Variants in GRID2 observed in about 807,000 individuals in gnomAD.
GRID2 encodes the protein glutamate ionotropic receptor delta type subunit 2.
Under a neutral mutation model 114.8 loss-of-function variants are expected in GRID2, and 33 were observed. The ratio of observed to expected loss-of-function variants is 0.29; its 90% CI spans 0.22 to 0.38. The LOEUF (loss-of-function observed/expected upper bound fraction) is 0.38. GRID2 is among the 10% of genes least tolerant of loss of function. The pLI, the probability that GRID2 is intolerant of heterozygous loss-of-function variation, is 1.00. For synonymous variants in GRID2, 505 were observed against 449.9 expected, an observed-to-expected ratio of 1.12 and a Z score of -1.55; for missense variants, 1,184 against 1,257.7, an observed-to-expected ratio of 0.94 and a Z score of 0.89.
chr4:93,523,697 T>A (rs1433923088), intron 13 of GRID2, among the ~76,000 whole-genome samples: 1 of 152,128 alleles, frequency 6.6e-6, no homozygotes, highest in East Asian at 1.9e-4. Context: ...GTGGGGCCCC[T>A]CTTCATCCCT....
intron 2 of GRID2, among the ~76,000 whole-genome samples, chr4:92,975,035 C>T (rs915493838): frequency 7.3e-5 from 11 of 151,440 alleles, no homozygotes; most frequent in Admixed American, 3.3e-4. Flanking sequence ...CAGGTGCCTG[C>T]AGTCCCAGCT....
intron 2 of GRID2, among the ~76,000 whole-genome samples, chr4:93,084,682 A>G (rs1033794449): frequency 1.3e-5 from 2 of 152,230 alleles, no homozygotes; most frequent in Non-Finnish European, 2.9e-5. Context: ...GAGGCAAATA[A>G]CAGACACTGT....
chr4:93,309,602 G>A lies in GRID2; in HGVS notation c.1245+71112G>A, dbSNP rs555379411. Among the ~76,000 whole-genome samples, 6 of 151,946 alleles carry A rather than the reference G, an allele frequency of 3.9e-5. No homozygotes were observed. In the East Asian group the frequency reaches 7.7e-4, roughly 20 times the overall value. On this transcript the variant is annotated intron_variant, in intron 8 of 15. Coordinates refer to ENST00000282020, the MANE Select transcript of GRID2 (RefSeq NM_001510.4). ...AAGAATTAATGAATGAAACTGGAGA[G>A]TCTGCTGCAAAGAGAATCCTGAGGT...
chr4:93,623,304 CT>C (rs377118549), intron 13 of GRID2, among the ~76,000 whole-genome samples: 1,549 of 147,768 alleles, frequency 0.01, 34 homozygotes, highest in African/African-American at 0.036. Flanking sequence ...TATCTCTCCC[CT>C]AGCCCCCTGA....
chr4:93,215,106 G>A (rs1324691193), intron 5 of GRID2, among the ~76,000 whole-genome samples: 1 of 151,898 alleles, frequency 6.6e-6, no homozygotes, highest in Admixed American at 6.6e-5. Context: ...TTAACATATA[G>A]TAGATACTTA....
intron 2 of GRID2, among the ~76,000 whole-genome samples, chr4:92,815,681 G>A (rs538568282): frequency 7.9e-5 from 12 of 151,932 alleles, no homozygotes; most frequent in Non-Finnish European, 1.8e-4. Context: ...GGGAGGCTGA[G>A]GCAGGGGGAT....
chr4:93,390,829 A>T (rs1288158778), intron 8 of GRID2, among the ~76,000 whole-genome samples: 1 of 152,020 alleles, frequency 6.6e-6, no homozygotes, highest in Non-Finnish European at 1.5e-5. Flanking sequence ...CTATATATAG[A>T]TATATGTATA....
intron 2 of GRID2, among the ~76,000 whole-genome samples, chr4:92,603,123 G>A (rs1363051254): frequency 1.3e-5 from 2 of 152,088 alleles, no homozygotes; most frequent in Non-Finnish European, 2.9e-5. Flanking sequence ...TGGCCATACT[G>A]CTCAAAGCAA....
intron 2 of GRID2, among the ~76,000 whole-genome samples, chr4:93,046,522 C>A (rs1287871464): frequency 6.6e-6 from 1 of 151,996 alleles, no homozygotes; most frequent in Non-Finnish European, 1.5e-5. Flanking sequence ...TTTACAGAAA[C>A]AAATTTAATT....
chr4:93,256,249 T>C (rs746383100), intron 8 of GRID2, among the ~76,000 whole-genome samples: 17 of 152,106 alleles, frequency 1.1e-4, no homozygotes, highest in Non-Finnish European at 2.5e-4. Context: ...TTTAACTTAC[T>C]GAGGACTTCA....
intron 4 of GRID2, among the ~76,000 whole-genome samples, chr4:93,118,007 A>T (rs1733439823): frequency 6.6e-6 from 1 of 152,138 alleles, no homozygotes; most frequent in Non-Finnish European, 1.5e-5. Flanking sequence ...AGAATCCTCT[A>T]TGTTCCCATA....
chr4:93,738,901 A>G (rs930767701), intron 14 of GRID2, among the ~76,000 whole-genome samples: 6 of 152,164 alleles, frequency 3.9e-5, no homozygotes, highest in Non-Finnish European at 5.9e-5. Flanking sequence ...CTAACATTCA[A>G]CTGGAGAGAG....
At chr4:92,383,998 CT>C (rs1338136634) in intron 1 of GRID2, among the ~76,000 whole-genome samples, 1 of 151,730 alleles carries the variant, frequency 6.6e-6, no homozygotes, top group Non-Finnish European at 1.5e-5. Context: ...TTGTCAAAAC[CT>C]TTCTTAATGG....
rs986413761 is a variant in GRID2, at chr4:92,659,935, C to T, written c.244+69649C>T. Among the ~76,000 whole-genome samples, 5 of 151,606 alleles carry T rather than the reference C, an allele frequency of 3.3e-5. No individual in the cohort carries two copies. The South Asian group carries it at 8.3e-4, about 25-fold the overall frequency. ...CAATAAAATCTGTTAGATAGATGCA[C>T]ATCCTTTCTTATAAACAATTCTAAC... On this transcript the variant is annotated intron_variant, in intron 2 of 15. Transcript: ENST00000282020.
At chr4:93,504,356 T>G (rs1480360385) in intron 12 of GRID2, among the ~76,000 whole-genome samples, 2 of 152,014 alleles carry the variant, frequency 1.3e-5, no homozygotes, top group Non-Finnish European at 2.9e-5. Flanking sequence ...TTGAATAATT[T>G]TTTTCCATAA....
intron 8 of GRID2, chr4:93,282,350 T>C: frequency 2.3e-6 from 1 of 439,858 alleles, no homozygotes; most frequent in Non-Finnish European, 4.6e-6. Context: ...GAGTAGTTTA[T>C]AAAATACATA....
chr4:92,806,574 CT>C (rs1281854409), intron 2 of GRID2, among the ~76,000 whole-genome samples: 1 of 151,494 alleles, frequency 6.6e-6, no homozygotes, highest in Non-Finnish European at 1.5e-5. Context: ...AATTTATGTT[CT>C]GTGCTAAGTA....
rs9997199 is a variant in GRID2 at position 92,500,460 on chromosome 4, T to G, written c.89-89671T>G. On this transcript the variant is annotated intron_variant, in intron 1 of 15. Coordinates refer to ENST00000282020, the MANE Select transcript of GRID2 (RefSeq NM_001510.4). ...AAAATATCTTCTGTTTAGGTGGACT[T>G]AAGTGAAATTTCTCTGAATTCCCTT... 3.7e-3 allele frequency among the ~76,000 whole-genome samples: 559 copies of G among 152,310 alleles called. 2 individuals carry two copies. Among genetic ancestry groups the G allele is most frequent in the Non-Finnish European group, 6.4e-3 (436 of 68,016 alleles).
intron 10 of GRID2, among the ~76,000 whole-genome samples, chr4:93,455,045 T>C (rs756170359): frequency 8.5e-5 from 13 of 152,154 alleles, no homozygotes; most frequent in Non-Finnish European, 1.6e-4. Context: ...CCAAGAAGAA[T>C]TCTCTTTCCT....
Sources: gnomAD v4.1 joint callset for allele counts (sites outside exome capture counted in the v4.1 genomes callset) on GRCh38, gnomAD v4.1.1 for gene constraint, MANE v1.5 for transcripts, NCBI Gene and HGNC (gene_info 2026-07-23, HGNC 2026-07-21) for gene names.